SYNE2: variants seen among roughly 807,000 people sequenced by gnomAD.
SYNE2 encodes the protein spectrin repeat containing nuclear envelope protein 2.
Under a neutral mutation model 856.3 loss-of-function variants are expected in SYNE2, and 431 were observed. That is an observed-to-expected ratio of 0.50 (90% CI 0.47 to 0.55). The LOEUF (loss-of-function observed/expected upper bound fraction) is 0.55, where lower values mean the gene tolerates loss of function less well. Ranked by LOEUF, SYNE2 falls within the 20% of genes least tolerant of loss-of-function variation. The pLI is 0.00. For synonymous variants in SYNE2, 2,923 were observed against 2,872.3 expected (o/e 1.02, Z -0.56); for missense variants, 8,129 against 8,023.2 (o/e 1.01, Z -0.50).
chr14:64,080,942 A>G (rs2097517136), intron 56 of SYNE2, among the ~76,000 whole-genome samples: 1 of 152,184 alleles, frequency 6.6e-6, no homozygotes, highest in South Asian at 2.1e-4. Context: ...AATTTAGGGC[A>G]GGTGGTCTCA....
At chr14:64,126,957 T>A (rs532646387) in intron 73 of SYNE2, 150 bp downstream of exon 73, 4 of 1,025,280 alleles carry the variant, frequency 3.9e-6, no homozygotes, top group Admixed American at 2.0e-5. Flanking sequence ...TGGTTGGAGA[T>A]CATTTGAAAG....
intron 80 of SYNE2, among the ~76,000 whole-genome samples, chr14:64,140,438 C>T (rs761290066): frequency 2.6e-5 from 4 of 152,100 alleles, no homozygotes; most frequent in Non-Finnish European, 5.9e-5. Flanking sequence ...CAGAATTAGC[C>T]GAGCATGGTG....
At chr14:64,117,828 C>T (rs1051426787) in intron 66 of SYNE2, among the ~76,000 whole-genome samples, 10 of 152,108 alleles carry the variant, frequency 6.6e-5, no homozygotes, top group Admixed American at 6.5e-5. Flanking sequence ...ACTAATGAGC[C>T]GAGTGCTGGA....
intron 61 of SYNE2, among the ~76,000 whole-genome samples, chr14:64,096,705 C>A (rs890665921): frequency 6.6e-6 from 1 of 152,150 alleles, no homozygotes; most frequent in African/African-American, 2.4e-5. Context: ...CAGGAGAAAG[C>A]CCAGGCCTGT....
rs1165003617 is a variant in SYNE2 at position 64,031,025 on chromosome 14, A to T, written c.6889A>T (p.Asn2297Tyr). ...EKLQKLQELE[N>Y]RLSLQDGTLK... is the part of the protein sequence containing the mutation. ...TTTTCTCCACTCGTAGGAACTAGAGAATAGACTCAGTTTACAAGATGGCAC... is the reference window on the plus strand; with the variant it reads ...TTTTCTCCACTCGTAGGAACTAGAGTATAGACTCAGTTTACAAGATGGCAC... Residue 2297 changes from asparagine to tyrosine, a missense_variant, in exon 45 of 116, where the codon AAT (asparagine) becomes TAT (tyrosine). By Grantham distance (143) the Asn-to-Tyr change is moderately radical. Transcript: ENST00000555002. The T allele has an allele frequency of 7.4e-6, 12 of 1,613,470 alleles. No individual in the cohort carries two copies. Among genetic ancestry groups the T allele is most frequent in the Middle Eastern group, 1.7e-4 (1 of 5,974 alleles).
chr14:64,138,939 TATGTATG>T (rs1352654998), intron 79 of SYNE2, among the ~76,000 whole-genome samples: 284 of 140,224 alleles, frequency 2.0e-3, no homozygotes, highest in African/African-American at 7.1e-3. Flanking sequence ...TGTGTGTGTG[TATGTATG>T]GTGTGTGTGT....
intron 1 of SYNE2, among the ~76,000 whole-genome samples, chr14:63,896,502 T>G (rs2095255231): frequency 6.6e-6 from 1 of 152,236 alleles, no homozygotes; most frequent in Non-Finnish European, 1.5e-5. Context: ...TATTGTTTCT[T>G]GTAATCCAGT....
At chr14:64,142,603 T>C (rs979049194) in intron 82 of SYNE2, among the ~76,000 whole-genome samples, 1 of 152,192 alleles carries the variant, frequency 6.6e-6, no homozygotes, top group African/African-American at 2.4e-5. Flanking sequence ...ATGATGCTAT[T>C]AGTAGCTCCT....
At chr14:64,013,615 G>A (rs896831510) in intron 32 of SYNE2, among the ~76,000 whole-genome samples, 1 of 152,112 alleles carries the variant, frequency 6.6e-6, no homozygotes, top group Non-Finnish European at 1.5e-5. Flanking sequence ...TAGGATAATG[G>A]CTTCTAGTTC....
At chr14:63,761,983 A>G in exon 1 of SYNE2, 1 of 388,186 alleles carries the variant, frequency 2.6e-6, no homozygotes, top group Non-Finnish European at 5.4e-6. Context: ...TGACAGCGTG[A>G]GAGGTAATAG....
At chr14:64,138,408 A>T (rs923156675) in intron 79 of SYNE2, among the ~76,000 whole-genome samples, 2 of 151,428 alleles carry the variant, frequency 1.3e-5, no homozygotes, top group Non-Finnish European at 2.9e-5. Flanking sequence ...ATTTTATAAA[A>T]TTTTTTGTAG....
chr14:64,175,711 C>T (rs1310238488), intron 95 of SYNE2, among the ~76,000 whole-genome samples: 1 of 152,092 alleles, frequency 6.6e-6, no homozygotes, highest in African/African-American at 2.4e-5. Flanking sequence ...GTCAAACTGT[C>T]TATTTTTACT....
At chr14:64,043,117 T>A (rs2097160832) in intron 45 of SYNE2, among the ~76,000 whole-genome samples, 1 of 152,224 alleles carries the variant, frequency 6.6e-6, no homozygotes, top group Admixed American at 6.5e-5. Context: ...AAGGGATTGG[T>A]GGCATTTTGC....
chr14:64,124,974 G>T lies in SYNE2; in HGVS notation c.13423-105G>T, dbSNP rs909078056. ...GAGGAGATCATGCCACTGCACTCCA[G>T]CCTGGGCGACAGAGCAAGACTCCAT... On this transcript the variant is annotated intron_variant, in intron 70 of 115. Coordinates refer to ENST00000555002, the MANE Select transcript of SYNE2 (RefSeq NM_182914.3). The T allele has an allele frequency of 1.4e-5, 21 of 1,451,820 alleles. No individual in the cohort carries two copies. In the Admixed American group the frequency reaches 3.1e-4, roughly 21 times the overall value. The allele number at this position is 1,451,820 out of a possible 1,614,324, so 89.9% of individuals were successfully genotyped here. A position where few individuals can be genotyped will look rare whatever the true frequency, so the allele number is the denominator to read the frequency against.
intron 49 of SYNE2, among the ~76,000 whole-genome samples, chr14:64,059,172 T>C (rs1396157120): frequency 1.3e-5 from 2 of 152,130 alleles, no homozygotes; most frequent in Admixed American, 6.5e-5. Context: ...TGGTGACTTA[T>C]TTAGTTTGTT....
intron 45 of SYNE2, among the ~76,000 whole-genome samples, chr14:64,038,461 A>G (rs1420030391): frequency 1.3e-5 from 2 of 152,182 alleles, no homozygotes; most frequent in African/African-American, 4.8e-5. Flanking sequence ...AGAGGCTGCA[A>G]TCTTGGCACT....
intron 85 of SYNE2, among the ~76,000 whole-genome samples, chr14:64,153,325 C>T (rs1011819380): frequency 2.6e-5 from 4 of 152,210 alleles, no homozygotes; most frequent in Non-Finnish European, 5.9e-5. Flanking sequence ...ACATTGCAAC[C>T]TTGACATTTT....
At position 64,001,974 on chromosome 14, in the gene SYNE2, G is replaced by A. The variant is rs2096758447; in HGVS notation, c.3679G>A (p.Val1227Ile). The A allele has an allele frequency of 6.2e-7, 1 of 1,613,984 alleles. No individual in the cohort carries two copies. Among genetic ancestry groups the A allele is most frequent in the African/African-American group, 1.3e-5 (1 of 74,888 alleles). ...GACAGCACTGCGGCTTGTGTTACCT[G>A]TAGAGAAGGCATCACTTCTTCTCTG... The part of the protein sequence containing the change: ...LETALRLVLP[V>I]EKASLLLCGS... Residue 1227 changes from valine (V) to isoleucine (I), a missense_variant, in exon 29 of 116, where the codon GTA becomes ATA. Coordinates refer to ENST00000555002, the MANE Select transcript of SYNE2 (RefSeq NM_182914.3).
intron 1 of SYNE2, among the ~76,000 whole-genome samples, chr14:63,797,091 A>G (rs575254442): frequency 3.1e-5 from 4 of 129,816 alleles, no homozygotes; most frequent in South Asian, 2.5e-4. Context: ...AAAAAAAAAA[A>G]AAAGAAAAGA....
Sources: gnomAD v4.1 joint callset for allele counts (sites outside exome capture counted in the v4.1 genomes callset) on GRCh38, gnomAD v4.1.1 for gene constraint, MANE v1.5 for transcripts, NCBI Gene and HGNC (gene_info 2026-07-23, HGNC 2026-07-21) for gene names.